Variants in DMRT1 observed in about 807,000 individuals in gnomAD.
DMRT1 encodes the protein doublesex- and mab-3-related transcription factor 1.
A neutral mutation model predicts 32.3 loss-of-function variants in DMRT1; 7 were observed. The observed-to-expected ratio is 0.22, with a 90% CI of 0.12 to 0.41. The LOEUF is 0.41. DMRT1 is among the 10% of genes least tolerant of loss of function. The probability of loss-of-function intolerance (pLI) is 1.00; values close to 1 mark genes in which losing one functional copy is unlikely to be tolerated. For missense variants in DMRT1, 625 were observed against 500.5 expected (o/e 1.25, Z -2.37); for synonymous variants, 278 against 206.1 (o/e 1.35, Z -2.99).
intron 4 of DMRT1, among the ~76,000 whole-genome samples, chr9:932,158 C>G (rs1363142981): frequency 6.6e-6 from 1 of 152,210 alleles, no homozygotes; most frequent in Admixed American, 6.5e-5. Flanking sequence ...CCTCATTTAA[C>G]TCCCTAGAAT....
intron 4 of DMRT1, among the ~76,000 whole-genome samples, chr9:942,189 T>C (rs1313605317): frequency 1.3e-5 from 2 of 152,230 alleles, no homozygotes; most frequent in Non-Finnish European, 2.9e-5. Context: ...TTAACTTTTC[T>C]GTTTCTTTTA....
chr9:893,369 A>G (rs1307596153), intron 2 of DMRT1, among the ~76,000 whole-genome samples: 1 of 152,242 alleles, frequency 6.6e-6, no homozygotes, highest in African/African-American at 2.4e-5. Flanking sequence ...TAGTTGACAA[A>G]ACCTGAAATA....
chr9:887,582 T>C (rs1414139899), intron 2 of DMRT1, among the ~76,000 whole-genome samples: 1 of 152,246 alleles, frequency 6.6e-6, no homozygotes, highest in African/African-American at 2.4e-5. Context: ...ATCTGGTCAC[T>C]GTGGCTGGAG....
At chr9:952,885 T>TA (rs1387142786) in intron 4 of DMRT1, among the ~76,000 whole-genome samples, 1 of 152,246 alleles carries the variant, frequency 6.6e-6, no homozygotes, top group African/African-American at 2.4e-5. Context: ...GCGTGTTGGT[T>TA]AGGCAGAGTC....
chr9:861,994 A>T (rs1465773681), intron 2 of DMRT1, among the ~76,000 whole-genome samples: 1 of 144,002 alleles, frequency 6.9e-6, no homozygotes, highest in East Asian at 2.1e-4. Context: ...GACGGCCGGG[A>T]AGAGGTGCTC....
rs188696099 is a variant in DMRT1, at chr9:862,452, C to T, written c.538+15309C>T. Among the ~76,000 whole-genome samples, 556 of 148,222 alleles carry T rather than the reference C, an allele frequency of 3.8e-3. 5 individuals are homozygous for T. Among genetic ancestry groups the T allele is most frequent in the African/African-American group, 0.013 (529 of 40,070 alleles). ...CTGCAGTGAGCCGAGATGGCGGCAG[C>T]ACAGTCCAGCCTCGGCATCAGAGGG... On this transcript the variant is annotated intron_variant, in intron 2 of 4. Coordinates refer to ENST00000382276, the MANE Select transcript of DMRT1 (RefSeq NM_021951.3).
intron 3 of DMRT1, among the ~76,000 whole-genome samples, chr9:904,314 G>A (rs535739610): frequency 3.5e-4 from 53 of 152,212 alleles, no homozygotes; most frequent in Admixed American, 1.0e-3. Flanking sequence ...GAAATTAGTT[G>A]CTTTTCAGAA....
At chr9:862,742 G>A (rs945889069) in intron 2 of DMRT1, among the ~76,000 whole-genome samples, 2 of 152,032 alleles carry the variant, frequency 1.3e-5, no homozygotes, top group African/African-American at 4.8e-5. Flanking sequence ...GTTTTGGTGG[G>A]TGTTGTCAAT....
chr9:872,629 T>C (rs1430651791), intron 2 of DMRT1, among the ~76,000 whole-genome samples: 1 of 152,244 alleles, frequency 6.6e-6, no homozygotes, highest in Non-Finnish European at 1.5e-5. Context: ...TTGAGGTTCA[T>C]CCGTGTTGTA....
At chr9:930,000 G>C (rs1331325302) in intron 4 of DMRT1, among the ~76,000 whole-genome samples, 2 of 152,160 alleles carry the variant, frequency 1.3e-5, no homozygotes, top group Non-Finnish European at 2.9e-5. Context: ...GTATGCTGTG[G>C]AATGGAGTAG....
intron 3 of DMRT1, among the ~76,000 whole-genome samples, chr9:904,355 A>T (rs555283997): frequency 6.6e-6 from 1 of 152,288 alleles, no homozygotes; most frequent in East Asian, 1.9e-4. Context: ...TGATTCTCAG[A>T]TTTCTTAGGA....
chr9:932,831 T>C lies in DMRT1; in HGVS notation c.967+15924T>C, dbSNP rs984162104. ...TTTACTTACTCTAAGCAGTTTTTTT[T>C]AAATAAAGGATACAACTCAGGAGCA... is the stretch of plus-strand genomic sequence containing the variant. On this transcript the variant is annotated intron_variant, in intron 4 of 4. Transcript: ENST00000382276. Among the ~76,000 whole-genome samples, 5 of 152,302 alleles carry C rather than the reference T, an allele frequency of 3.3e-5. No individual in the cohort carries two copies. In the East Asian group the frequency reaches 9.6e-4, roughly 29 times the overall value.
intron 4 of DMRT1, among the ~76,000 whole-genome samples, chr9:945,354 C>G (rs1819208329): frequency 2.0e-5 from 3 of 152,126 alleles, no homozygotes; most frequent in Admixed American, 2.0e-4. Context: ...CAGGGTTTCA[C>G]CATGGTGGCC....
rs767345718 is a variant in DMRT1, at chr9:926,686, G to GGAGAGA, written c.967+9779_967+9780insGAGAGA. 1.0e-4 allele frequency among the ~76,000 whole-genome samples: 15 copies of GGAGAGA among 149,094 alleles called. 1 individual carries two copies. In the South Asian group the frequency reaches 3.2e-3, roughly 31 times the overall value. ...AGATTGCAGCCTAGAGAAGACACAG[G>GGAGAGA]TAGAGAGAGAGAGAGAGAGAGAGAG... is the stretch of plus-strand genomic sequence containing the variant. On this transcript the variant is annotated intron_variant, in intron 4 of 4. Transcript: ENST00000382276.
At chr9:953,128 A>T (rs1819483390) in intron 4 of DMRT1, among the ~76,000 whole-genome samples, 1 of 152,232 alleles carries the variant, frequency 6.6e-6, no homozygotes, top group African/African-American at 2.4e-5. Flanking sequence ...TGTTGGATGC[A>T]GAATTTTATA....
At chr9:941,495 A>G (rs1819070749) in intron 4 of DMRT1, among the ~76,000 whole-genome samples, 1 of 152,242 alleles carries the variant, frequency 6.6e-6, no homozygotes, top group Non-Finnish European at 1.5e-5. Context: ...GTCAAAACAT[A>G]GAGGCAAAAA....
chr9:846,031 CT>C (rs370176937), intron 1 of DMRT1, among the ~76,000 whole-genome samples: 23,430 of 132,766 alleles, frequency 0.18, 2,036 homozygotes, highest in East Asian at 0.4. Flanking sequence ...CTGTTTTTGC[CT>C]TTTTTTTTTT....
At chr9:908,382 C>T (rs1370096194) in intron 3 of DMRT1, among the ~76,000 whole-genome samples, 1 of 152,070 alleles carries the variant, frequency 6.6e-6, no homozygotes, top group Non-Finnish European at 1.5e-5. Flanking sequence ...CACTTGAGCC[C>T]ACGAGATTGA....
chr9:885,260 G>A (rs564212573), intron 2 of DMRT1, among the ~76,000 whole-genome samples: 1 of 152,238 alleles, frequency 6.6e-6, no homozygotes, highest in East Asian at 1.9e-4. Context: ...TGCGTTAGTC[G>A]GCTCAATTAG....
Sources: gnomAD v4.1 joint callset for allele counts (sites outside exome capture counted in the v4.1 genomes callset) on GRCh38, gnomAD v4.1.1 for gene constraint, MANE v1.5 for transcripts, NCBI Gene and HGNC (gene_info 2026-07-23, HGNC 2026-07-21) for gene names.